KIF1A: variants seen among roughly 807,000 people sequenced by gnomAD.
KIF1A encodes kinesin family member 1A, also known as kinesin-like protein KIF1A.
KIF1A carries 46 observed loss-of-function variants against 227.3 expected under a neutral mutation model. That is an observed-to-expected ratio of 0.20 (90% CI 0.16 to 0.26). KIF1A has a LOEUF of 0.26. Among genes scored for constraint, KIF1A ranks in the 10% least tolerant of loss-of-function variants. KIF1A has a pLI of 1.00. For missense variants in KIF1A, 1,683 were observed against 2,485.9 expected (o/e 0.68, Z 6.87); for synonymous variants, 1,022 against 1,012.8 (o/e 1.01, Z -0.17).
At chr2:240,769,936 G>C (rs1169003774) in intron 15 of KIF1A, among the ~76,000 whole-genome samples, 1 of 152,198 alleles carries the variant, frequency 6.6e-6, no homozygotes, top group Non-Finnish European at 1.5e-5. Context: ...GGAAGGAAAA[G>C]AGAAGCAAAT....
chr2:240,765,894 C>T (rs1315326269), intron 19 of KIF1A, 101 bp from the exon 20 acceptor site: 5 of 799,340 alleles, frequency 6.3e-6, no homozygotes, highest in Non-Finnish European at 1.1e-5. Context: ...TTCCAAGCCT[C>T]TCGCCTCTCT....
intron 46 of KIF1A, 63 bp from the exon 47 acceptor site, chr2:240,719,261 C>T: frequency 1.3e-6 from 2 of 1,521,964 alleles, no homozygotes; most frequent in South Asian, 1.2e-5. Context: ...CTCGGGCACT[C>T]ACCATCTACC....
intron 14 of KIF1A, 123 bp downstream of exon 14, chr2:240,772,447 A>T (rs1018858748): frequency 2.0e-5 from 16 of 789,932 alleles, no homozygotes; most frequent in Middle Eastern, 4.6e-4. Context: ...CTGCCCCCCA[A>T]AAAGGAGAAG....
chr2:240,731,461 C>T (rs1018771423), intron 38 of KIF1A, among the ~76,000 whole-genome samples: 16 of 152,352 alleles, frequency 1.1e-4, no homozygotes, highest in South Asian at 2.1e-4. Flanking sequence ...GTGCCCCGAC[C>T]GCATGCCACC....
Position 240,792,992 on chromosome 2 carries a change from C to T in KIF1A, c.107-3680G>A, listed in dbSNP as rs536050006. Among the ~76,000 whole-genome samples, 5 of 152,298 alleles carry T rather than the reference C, an allele frequency of 3.3e-5. No individual in the cohort carries two copies. Among genetic ancestry groups the T allele is most frequent in the South Asian group, 4.1e-4 (2 of 4,826 alleles). On this transcript the variant is annotated intron_variant, in intron 2 of 48. Transcript: ENST00000498729. This position sits in a 1 kb window ranked among gnomAD's most constrained non-coding sequence, Gnocchi z 4.5. ...GCTGTTTAAGACGCCCACTCTGCAGCGCACCTGGACCTCCGAGTCTGGCCT... is the reference window on the plus strand; with the variant it reads ...GCTGTTTAAGACGCCCACTCTGCAGTGCACCTGGACCTCCGAGTCTGGCCT...
chr2:240,772,275 A>G (rs2052108738), intron 14 of KIF1A, among the ~76,000 whole-genome samples: 1 of 152,108 alleles, frequency 6.6e-6, no homozygotes, highest in African/African-American at 2.4e-5. Flanking sequence ...GATCTCGGCC[A>G]TGTTTAGCCT....
intron 1 of KIF1A, among the ~76,000 whole-genome samples, chr2:240,818,153 G>T (rs1015212055): frequency 1.3e-5 from 2 of 152,098 alleles, no homozygotes; most frequent in African/African-American, 2.4e-5. Context: ...CCCGGCCCGG[G>T]ACCCCTGCCT....
rs925306343 is a variant in KIF1A at position 240,789,569 on chromosome 2, G to A, written c.107-257C>T. Reference sequence around the variant, plus strand: ...CTGCAAGGCTCTGTGTCATTCTCCCGCCAAATGCAACTGGCTCCCCTCAAA... The same window carrying A: ...CTGCAAGGCTCTGTGTCATTCTCCCACCAAATGCAACTGGCTCCCCTCAAA... On this transcript the variant is annotated intron_variant, in intron 2 of 48. Transcript: ENST00000498729. This position sits in a 1 kb window ranked among gnomAD's most constrained non-coding sequence, Gnocchi z 4.8. Among the ~76,000 whole-genome samples the A allele has an allele frequency of 2.6e-5, 4 of 152,072 alleles. No homozygotes were observed. Among genetic ancestry groups the A allele is most frequent in the South Asian group, 2.1e-4 (1 of 4,818 alleles).
At chr2:240,756,319 T>C (rs147806126) in intron 27 of KIF1A, among the ~76,000 whole-genome samples, 6 of 152,362 alleles carry the variant, frequency 3.9e-5, no homozygotes, top group Middle Eastern at 3.4e-3. Flanking sequence ...ATGTAAAATA[T>C]ATAAATTCAG....
In KIF1A at chr2:240,789,220, C is replaced by A. The variant is rs117171329; in HGVS notation, c.183+16G>T. 1.3e-4 allele frequency: 212 copies of A among 1,611,222 alleles called. No individual in the cohort carries two copies. The East Asian group carries it at 4.7e-3, about 36-fold the overall frequency. Reference sequence around the variant, plus strand: ...ACTGCTGCCCCCGCCTCCCCCGACCCGGGGTCCCGGCTTACTGAGGTGTGC... The same window carrying A: ...ACTGCTGCCCCCGCCTCCCCCGACCAGGGGTCCCGGCTTACTGAGGTGTGC... On this transcript the variant is annotated intron_variant, in intron 3 of 48. Coordinates refer to ENST00000498729, the MANE Select transcript of KIF1A (RefSeq NM_001244008.2). This position sits in a 1 kb window ranked among gnomAD's most constrained non-coding sequence, Gnocchi z 4.8.
intron 38 of KIF1A, among the ~76,000 whole-genome samples, chr2:240,727,620 C>T (rs1421819949): frequency 6.6e-6 from 1 of 152,302 alleles, no homozygotes; most frequent in Admixed American, 6.5e-5. Context: ...TGTTAGCACA[C>T]GGGAGACAGC....
chr2:240,782,391 A>G (rs1220529707), intron 10 of KIF1A, among the ~76,000 whole-genome samples, 199 bp downstream of exon 10: 1 of 151,564 alleles, frequency 6.6e-6, no homozygotes, highest in Non-Finnish European at 1.5e-5. Context: ...GCCGCCCCGG[A>G]CGCCCTCCGT....
Position 240,758,079 on chromosome 2 carries a change from T to C in KIF1A, c.2582+281A>G, listed in dbSNP as rs547901193. Reference sequence around the variant, plus strand: ...TTTGCTTGGGAGCCTCACATATTCATACACATGGACCCATGGGTTCTGGCG... The same window carrying C: ...TTTGCTTGGGAGCCTCACATATTCACACACATGGACCCATGGGTTCTGGCG... On this transcript the variant is annotated intron_variant, in intron 26 of 48. Transcript: ENST00000498729. The surrounding 1 kb of genome is among the most constrained non-coding windows in gnomAD (Gnocchi z 5.2). 1.3e-5 allele frequency among the ~76,000 whole-genome samples: 2 copies of C among 152,192 alleles called. No homozygotes were observed. Among genetic ancestry groups the C allele is most frequent in the Non-Finnish European group, 2.9e-5 (2 of 68,032 alleles).
intron 1 of KIF1A, among the ~76,000 whole-genome samples, chr2:240,813,029 T>TCGGGGATCTGCCTTCACCC (rs2058058937): frequency 2.6e-5 from 4 of 152,178 alleles, no homozygotes; most frequent in African/African-American, 9.7e-5. Context: ...TGCCTTCACC[T>TCGGGGATCTGCCTTCACCC]CAAGGATCCA....
intron 1 of KIF1A, among the ~76,000 whole-genome samples, chr2:240,819,748 G>A (rs900383471): frequency 6.6e-6 from 1 of 152,126 alleles, no homozygotes; most frequent in Non-Finnish European, 1.5e-5. Context: ...TCCTCTCCAG[G>A]GAAGCGGAAT....
chr2:240,750,661 A>C (rs2049105278), intron 27 of KIF1A, 114 bp from the exon 28 acceptor site: 1 of 775,766 alleles, frequency 1.3e-6, no homozygotes, highest in Non-Finnish European at 2.2e-6. Flanking sequence ...AAGCAGAGGG[A>C]AGCCGCCGGA....
Position 240,752,660 on chromosome 2 carries a change from CT to C in KIF1A, c.2859-2114del, listed in dbSNP as rs1203009525. ...ATGAGACCAGACGGGACAGCCCATG[CT>C]GTGGGGCTCTGAGCCAGCCCCTGCC... On this transcript the variant is annotated intron_variant, in intron 27 of 48. Transcript: ENST00000498729. The surrounding 1 kb of genome is among the most constrained non-coding windows in gnomAD (Gnocchi z 6.4). Among the ~76,000 whole-genome samples, 3 of 152,130 alleles carry C rather than the reference CT, an allele frequency of 2.0e-5. No homozygotes were observed. Among genetic ancestry groups the C allele is most frequent in the Non-Finnish European group, 2.9e-5 (2 of 68,002 alleles).
Position 240,788,041 on chromosome 2 carries a change from C to CCCCGCCG in KIF1A, c.363+9_363+10insCGGCGGG. ...GCCAGGGCTGCCCCCGCCCGCCCCCCGCTTCGTGCCTGTGGGATGATGCCC... is the reference window on the plus strand; with the variant it reads ...GCCAGGGCTGCCCCCGCCCGCCCCCCCCCGCCGGCTTCGTGCCTGTGGGATGATGCCC... On this transcript the variant is annotated intron_variant, in intron 4 of 48. Transcript: ENST00000498729. The surrounding 1 kb of genome is among the most constrained non-coding windows in gnomAD (Gnocchi z 6.6). The CCCCGCCG allele has an allele frequency of 1.3e-6, 2 of 1,520,666 alleles. No individual in the cohort carries two copies. The highest frequency in any genetic ancestry group is 1.8e-6 in the Non-Finnish European group (2 of 1,121,298). The allele number at this position is 1,520,666 out of a possible 1,614,324, so 94.2% of individuals were successfully genotyped here. A position where few individuals can be genotyped will look rare whatever the true frequency, so the allele number is the denominator to read the frequency against.
At chr2:240,787,371 C>A in intron 4 of KIF1A, 55 bp from the exon 5 acceptor site, 7 of 1,512,636 alleles carry the variant, frequency 4.6e-6, no homozygotes, top group South Asian at 1.1e-5. Flanking sequence ...TCCCTGGATC[C>A]CTGCCCCTTG....
Sources: allele counts gnomAD v4.1 joint callset (sites outside exome capture counted in the v4.1 genomes callset), GRCh38; gene constraint gnomAD v4.1.1; non-coding constraint Gnocchi (gnomAD v3.1); transcripts MANE v1.5; gene names NCBI Gene and HGNC (gene_info 2026-07-23, HGNC 2026-07-21).